DLG2: variants seen among roughly 807,000 people sequenced by gnomAD.
DLG2 encodes the protein disks large homolog 2.
DLG2 carries 45 observed loss-of-function variants against 132.5 expected under a neutral mutation model. The ratio of observed to expected loss-of-function variants is 0.34; its 90% CI spans 0.27 to 0.44. The LOEUF (loss-of-function observed/expected upper bound fraction) is 0.44, where lower values mean the gene tolerates loss of function less well. Ranked by LOEUF, DLG2 falls within the 20% of genes least tolerant of loss-of-function variation. The pLI is 1.00. For synonymous variants in DLG2, 424 were observed against 419.6 expected (o/e 1.01, Z -0.13); for missense variants, 1,045 against 1,196.9 (o/e 0.87, Z 1.87).
intron 19 of DLG2, among the ~76,000 whole-genome samples, chr11:83,574,574 A>G (rs536120718): frequency 1.3e-5 from 2 of 152,260 alleles, no homozygotes; most frequent in African/African-American, 4.8e-5. Context: ...ATACATTGTC[A>G]TTCTGACCTG....
intron 6 of DLG2, among the ~76,000 whole-genome samples, chr11:85,074,662 A>T (rs1390534658): frequency 6.6e-6 from 1 of 151,820 alleles, no homozygotes; most frequent in Non-Finnish European, 1.5e-5. Context: ...AAAAACATCA[A>T]TAGGTTTGTA....
intron 3 of DLG2, among the ~76,000 whole-genome samples, chr11:85,481,916 C>T (rs2093303133): frequency 6.6e-6 from 1 of 152,136 alleles, no homozygotes; most frequent in Non-Finnish European, 1.5e-5. Flanking sequence ...TCCAAACCTG[C>T]CCCAACACTA....
chr11:83,797,374 A>G (rs1015512242), intron 17 of DLG2, among the ~76,000 whole-genome samples: 3 of 152,216 alleles, frequency 2.0e-5, no homozygotes, highest in Non-Finnish European at 4.4e-5. Flanking sequence ...GTAAGAACAC[A>G]CAACAATCCC....
At chr11:84,460,884 C>T (rs1244494122) in intron 7 of DLG2, among the ~76,000 whole-genome samples, 1 of 150,610 alleles carries the variant, frequency 6.6e-6, no homozygotes, top group Admixed American at 6.6e-5. Context: ...TGCCTAAATC[C>T]ACATTCTAAG....
At chr11:84,779,194 GCACACACA>G (rs112067471) in intron 6 of DLG2, among the ~76,000 whole-genome samples, 1 of 148,912 alleles carries the variant, frequency 6.7e-6, no homozygotes, top group African/African-American at 2.5e-5. Flanking sequence ...ATATATGTGC[GCACACACA>G]CACACACACA....
intron 19 of DLG2, among the ~76,000 whole-genome samples, chr11:83,606,932 A>C (rs2059429875): frequency 6.6e-6 from 1 of 152,174 alleles, no homozygotes; most frequent in Non-Finnish European, 1.5e-5. Flanking sequence ...GTCTCAAAAA[A>C]AGAAAAAGAA....
chr11:85,222,122 T>C (rs1416658927), intron 4 of DLG2, among the ~76,000 whole-genome samples: 1 of 151,818 alleles, frequency 6.6e-6, no homozygotes, highest in Non-Finnish European at 1.5e-5. Flanking sequence ...GGTTTTTTGT[T>C]TGTTTGTTTG....
chr11:84,213,290 T>C (rs944222058), intron 8 of DLG2, among the ~76,000 whole-genome samples: 2 of 152,132 alleles, frequency 1.3e-5, no homozygotes, highest in African/African-American at 4.8e-5. Context: ...GTTATCTGTG[T>C]ATGAGCCTGA....
intron 18 of DLG2, among the ~76,000 whole-genome samples, chr11:83,649,933 A>G (rs968897597): frequency 1.3e-5 from 2 of 152,242 alleles, no homozygotes; most frequent in Non-Finnish European, 2.9e-5. Context: ...TCCTTTAGTC[A>G]GAATAGAAAG....
intron 7 of DLG2, among the ~76,000 whole-genome samples, chr11:84,281,465 AG>A (rs1229689357): frequency 6.6e-6 from 1 of 152,056 alleles, no homozygotes; most frequent in African/African-American, 2.4e-5. Flanking sequence ...TTATACTTTA[AG>A]TTTTAGGGTA....
At chr11:84,518,010 G>A (rs1797013146) in intron 7 of DLG2, among the ~76,000 whole-genome samples, 1 of 149,580 alleles carries the variant, frequency 6.7e-6, no homozygotes, top group Non-Finnish European at 1.5e-5. Flanking sequence ...TTGGTGGGAG[G>A]AGGAGTTGTG....
chr11:84,643,947 A>T, intron 6 of DLG2, among the ~76,000 whole-genome samples: 1 of 152,174 alleles, frequency 6.6e-6, no homozygotes, highest in Non-Finnish European at 1.5e-5. Flanking sequence ...CCACTTAAGT[A>T]TTTCTATGTC....
intron 6 of DLG2, among the ~76,000 whole-genome samples, chr11:84,848,582 A>C (rs57510971): frequency 0.014 from 2,109 of 152,204 alleles, 60 homozygotes; most frequent in African/African-American, 0.047. Flanking sequence ...ATTAGCGTAC[A>C]CCTATCCCTG....
In DLG2 at chr11:83,466,718, C is replaced by T. The variant is rs2091107257; in HGVS notation, c.2719G>A (p.Glu907Lys). 1 of 1,608,658 alleles carries T rather than the reference C, an allele frequency of 6.2e-7. No homozygotes were observed. The highest frequency in any genetic ancestry group is 8.5e-7 in the Non-Finnish European group (1 of 1,175,120). Residue 907 changes from glutamate (E) to lysine (K), a missense_variant, in exon 26 of 28, where the codon GAA becomes AAA. By Grantham distance (56) the Glu-to-Lys change is moderately conservative. Transcript: ENST00000376104. ...IAIFIKPRSL[E>K]PLMEMNKRLT... ...ATGCCCTCTACTCACATAAGAGGTT[C>T]CAGAGACCTGGGTTTTATGAAGATG... is the stretch of plus-strand genomic sequence containing the variant.
chr11:83,483,374 T>C, intron 22 of DLG2: 1 of 1,078,206 alleles, frequency 9.3e-7, no homozygotes, highest in Non-Finnish European at 1.4e-6. Flanking sequence ...GTCAGTGGAG[T>C]TGAAATGAAT....
intron 6 of DLG2, among the ~76,000 whole-genome samples, chr11:85,001,450 G>T (rs1336576510): frequency 6.6e-6 from 1 of 152,138 alleles, no homozygotes; most frequent in Non-Finnish European, 1.5e-5. Context: ...GGTCTTAGAA[G>T]TCTTTACAGA....
intron 6 of DLG2, among the ~76,000 whole-genome samples, chr11:84,681,322 TTTTA>T (rs1361840140): frequency 6.6e-6 from 1 of 152,194 alleles, no homozygotes; most frequent in Non-Finnish European, 1.5e-5. Context: ...CTTATTTCAT[TTTTA>T]TTTCTCTGTA....
At chr11:83,736,718 A>T (rs746537947) in intron 18 of DLG2, among the ~76,000 whole-genome samples, 1 of 152,182 alleles carries the variant, frequency 6.6e-6, no homozygotes, top group Non-Finnish European at 1.5e-5. Context: ...TCTCTAGAGC[A>T]TTGCCCTAAA....
chr11:85,103,493 C>T (rs2071221271), intron 6 of DLG2, among the ~76,000 whole-genome samples: 1 of 151,932 alleles, frequency 6.6e-6, no homozygotes, highest in Non-Finnish European at 1.5e-5. Context: ...GAAGGGACAA[C>T]TCGATGGAGG....
Sources: gnomAD v4.1 joint callset for allele counts (sites outside exome capture counted in the v4.1 genomes callset) on GRCh38, gnomAD v4.1.1 for gene constraint, MANE v1.5 for transcripts, NCBI Gene and HGNC (gene_info 2026-07-23, HGNC 2026-07-21) for gene names.